GALNT13: variants seen among roughly 807,000 people sequenced by gnomAD.
The protein encoded by GALNT13 is polypeptide N-acetylgalactosaminyltransferase 13.
GALNT13 carries 28 observed loss-of-function variants against 64.2 expected under a neutral mutation model. The ratio of observed to expected loss-of-function variants is 0.44; its 90% CI spans 0.32 to 0.60. The LOEUF is 0.60. Ranked by LOEUF, GALNT13 falls within the 20% of genes least tolerant of loss-of-function variation. The probability of loss-of-function intolerance (pLI) is 0.05; values close to 1 mark genes in which losing one functional copy is unlikely to be tolerated. For synonymous variants in GALNT13, 214 were observed against 224.6 expected (o/e 0.95, Z 0.42); for missense variants, 577 against 669.8 (o/e 0.86, Z 1.53).
At chr2:153,939,201 CAGGA>C in intron 2 of GALNT13, among the ~76,000 whole-genome samples, 1 of 152,140 alleles carries the variant, frequency 6.6e-6, no homozygotes, top group South Asian at 2.1e-4. Context: ...GACATTTGAG[CAGGA>C]AGGAAGGAAG....
At chr2:154,023,685 C>G (rs1166486590) in intron 3 of GALNT13, among the ~76,000 whole-genome samples, 1 of 152,070 alleles carries the variant, frequency 6.6e-6, no homozygotes, top group Admixed American at 6.6e-5. Flanking sequence ...GAGCATTTAG[C>G]CCATTTAGAT....
chr2:153,682,956 T>G, the GALNT13 span, among the ~76,000 whole-genome samples: 1 of 151,762 alleles, frequency 6.6e-6, no homozygotes, highest in African/African-American at 2.4e-5. Flanking sequence ...ATTATAGTGA[T>G]TGTTTCTAAA....
At chr2:153,200,810 A>G in the GALNT13 span, among the ~76,000 whole-genome samples, 2 of 152,228 alleles carry the variant, frequency 1.3e-5, no homozygotes, top group Non-Finnish European at 2.9e-5. Flanking sequence ...ATTTGAAATC[A>G]TAGGAGGGAA....
intron 4 of GALNT13, among the ~76,000 whole-genome samples, chr2:154,199,694 G>A (rs1486400554): frequency 6.6e-6 from 1 of 151,928 alleles, no homozygotes; most frequent in Non-Finnish European, 1.5e-5. Flanking sequence ...TTATAATTAT[G>A]TCATAAAATT....
At chr2:154,298,996 C>T (rs1330667202) in intron 8 of GALNT13, among the ~76,000 whole-genome samples, 3 of 135,978 alleles carry the variant, frequency 2.2e-5, no homozygotes, top group Non-Finnish European at 4.8e-5. Flanking sequence ...ATAATTCTAC[C>T]GTAACAAAAA....
At chr2:154,435,847 AC>A (rs1359227511) in intron 11 of GALNT13, 1 of 152,146 alleles carries the variant, frequency 6.6e-6, no homozygotes, top group South Asian at 2.1e-4. Flanking sequence ...AATTCCATGA[AC>A]CTTTCACAGT....
At chr2:153,281,640 C>A in the GALNT13 span, among the ~76,000 whole-genome samples, 3 of 152,222 alleles carry the variant, frequency 2.0e-5, no homozygotes, top group East Asian at 3.9e-4. Context: ...ATTTCTCCTT[C>A]ACTTATGAAG....
intron 3 of GALNT13, among the ~76,000 whole-genome samples, chr2:154,107,287 C>T (rs1043839476): frequency 6.6e-6 from 1 of 152,050 alleles, no homozygotes; most frequent in Non-Finnish European, 1.5e-5. Flanking sequence ...AACTAAAACG[C>T]ATTTGTTATG....
chr2:153,749,606 A>G, the GALNT13 span, among the ~76,000 whole-genome samples: 1 of 152,030 alleles, frequency 6.6e-6, no homozygotes, highest in African/African-American at 2.4e-5. Flanking sequence ...GCTATTGTAA[A>G]TGGGATTCCT....
chr2:153,095,939 G>A, the GALNT13 span, among the ~76,000 whole-genome samples: 1 of 152,090 alleles, frequency 6.6e-6, no homozygotes, highest in Admixed American at 6.6e-5. Context: ...TAATGTAAAT[G>A]ATGAGTTAAT....
At position 154,256,061 on chromosome 2, in the gene GALNT13, A is replaced by G. The variant is rs1172570478; in HGVS notation, c.858-2960A>G. Among the ~76,000 whole-genome samples the G allele has an allele frequency of 2.3e-4, 35 of 151,866 alleles. 1 individual carries two copies. The highest frequency in any genetic ancestry group is 2.3e-3 in the Admixed American group (35 of 15,204). ...TCAGAGTGAGACCCTGTCTCAAAAA[A>G]AGAAAAAAAAAACTCAGTTAAAAAT... On this transcript the variant is annotated intron_variant, in intron 7 of 12. Coordinates refer to ENST00000392825, the MANE Select transcript of GALNT13 (RefSeq NM_052917.4).
At chr2:153,300,176 A>C in the GALNT13 span, among the ~76,000 whole-genome samples, 1 of 152,172 alleles carries the variant, frequency 6.6e-6, no homozygotes, top group Non-Finnish European at 1.5e-5. Context: ...ACAATACTTC[A>C]AATTGTGCTT....
chr2:153,597,466 T>A, the GALNT13 span, among the ~76,000 whole-genome samples: 1 of 152,062 alleles, frequency 6.6e-6, no homozygotes, highest in African/African-American at 2.4e-5. Flanking sequence ...TTGCCTTACA[T>A]CTTTAAAAAA....
the GALNT13 span, among the ~76,000 whole-genome samples, chr2:153,192,646 A>C: frequency 6.1e-4 from 93 of 152,220 alleles, no homozygotes; most frequent in African/African-American, 2.1e-3. Flanking sequence ...CTTTAGATTT[A>C]TAATATTTGC....
chr2:153,912,576 TG>T lies in GALNT13; in HGVS notation c.-105+11570del, dbSNP rs1263031889. Among the ~76,000 whole-genome samples the T allele has an allele frequency of 2.1e-5, 3 of 140,634 alleles. No homozygotes were observed. In the East Asian group the frequency reaches 5.8e-4, roughly 27 times the overall value. The allele number at this position is 140,634 out of a possible 152,430, so 92.3% of individuals were successfully genotyped here. A position where few individuals can be genotyped will look rare whatever the true frequency, so the allele number is the denominator to read the frequency against. Reference sequence around the variant, plus strand: ...GTATTTGAAGTTCCTATCATTTAGATGTTTTTTTTTCTTTTATCCTATTTAA... The same window carrying T: ...GTATTTGAAGTTCCTATCATTTAGATTTTTTTTTTCTTTTATCCTATTTAA... On this transcript the variant is annotated intron_variant, in intron 2 of 12. Coordinates refer to ENST00000392825, the MANE Select transcript of GALNT13 (RefSeq NM_052917.4).
At chr2:153,243,474 G>A in the GALNT13 span, among the ~76,000 whole-genome samples, 1 of 151,372 alleles carries the variant, frequency 6.6e-6, no homozygotes, top group Non-Finnish European at 1.5e-5. Context: ...AATTAAACTT[G>A]TTTACTTATC....
the GALNT13 span, among the ~76,000 whole-genome samples, chr2:153,490,930 A>G: frequency 2.6e-5 from 4 of 150,972 alleles, no homozygotes; most frequent in Non-Finnish European, 5.9e-5. Flanking sequence ...ACTGCACTCC[A>G]GCCTGGGTGA....
the GALNT13 span, among the ~76,000 whole-genome samples, chr2:153,390,848 C>A: frequency 2.0e-5 from 3 of 151,876 alleles, no homozygotes; most frequent in Admixed American, 6.6e-5. Flanking sequence ...TACATCCTAG[C>A]AAGGGGTTGA....
chr2:153,422,975 T>C, the GALNT13 span, among the ~76,000 whole-genome samples: 3 of 151,930 alleles, frequency 2.0e-5, no homozygotes, highest in African/African-American at 4.8e-5. Context: ...CACACTGTTC[T>C]AAAGTAAAAG....
Sources: gnomAD v4.1 joint callset for allele counts (sites outside exome capture counted in the v4.1 genomes callset) on GRCh38, gnomAD v4.1.1 for gene constraint, MANE v1.5 for transcripts, NCBI Gene and HGNC (gene_info 2026-07-23, HGNC 2026-07-21) for gene names.